TULP4: variants seen among roughly 807,000 people sequenced by gnomAD.
TULP4 encodes TUB like protein 4.
In TULP4, 16 loss-of-function variants were observed where a neutral mutation model predicts 129.0. The observed-to-expected ratio is 0.12, with a 90% CI of 0.08 to 0.19. TULP4 has a LOEUF of 0.19. Ranked by LOEUF, TULP4 falls within the 10% of genes least tolerant of loss-of-function variation. The pLI, the probability that TULP4 is intolerant of heterozygous loss-of-function variation, is 1.00. For synonymous variants in TULP4, 998 were observed against 854.0 expected (o/e 1.17, Z -2.94); for missense variants, 1,842 against 2,059.1 (o/e 0.89, Z 2.04).
At chr6:158,334,581 G>A (rs979962879) in intron 1 of TULP4, among the ~76,000 whole-genome samples, 1 of 108,586 alleles carries the variant, frequency 9.2e-6, no homozygotes, top group Non-Finnish European at 2.0e-5. Context: ...CAACTGTGTG[G>A]GGGTTGGCAC....
intron 1 of TULP4, among the ~76,000 whole-genome samples, chr6:158,371,481 A>G (rs780221545): frequency 2.3e-4 from 35 of 152,326 alleles, no homozygotes; most frequent in Non-Finnish European, 3.8e-4. Flanking sequence ...TATTAGTATT[A>G]TTTGATCATT....
chr6:158,405,941 G>A (rs988979192), intron 1 of TULP4, among the ~76,000 whole-genome samples: 2 of 152,126 alleles, frequency 1.3e-5, no homozygotes, highest in Admixed American at 6.6e-5. Context: ...TTGTTTTCTA[G>A]GACATTTTTG....
chr6:158,506,376 C>T (rs904354078), intron 13 of TULP4, among the ~76,000 whole-genome samples: 3 of 151,742 alleles, frequency 2.0e-5, no homozygotes, highest in Non-Finnish European at 4.4e-5. Flanking sequence ...GGACTACAGG[C>T]GCCCGCCACC....
At position 158,313,477 on chromosome 6, in the gene TULP4, G is replaced by A; in HGVS notation, c.-540G>A. 2.5e-6 allele frequency: 1 copy of A among 400,180 alleles called. No individual in the cohort carries two copies. The highest frequency in any genetic ancestry group is 4.4e-6 in the Non-Finnish European group (1 of 227,208). The allele number at this position is 400,180 out of a possible 1,614,324, so 24.8% of individuals were successfully genotyped here. On this transcript the variant is annotated 5_prime_UTR_variant, in exon 1 of 14. Coordinates refer to ENST00000367097, the MANE Select transcript of TULP4 (RefSeq NM_020245.5). The stretch of plus-strand genomic sequence containing the variant: ...AGTTCAGGAAACATGCTAGAGGGTG[G>A]CTTCAGAAGGAAGATGATCCTGTGT...
At chr6:158,478,410 G>A (rs867532646) in intron 6 of TULP4, among the ~76,000 whole-genome samples, 19 of 152,168 alleles carry the variant, frequency 1.2e-4, no homozygotes, top group African/African-American at 3.9e-4. Flanking sequence ...GGGGGTTGAC[G>A]ATACCAGAGT....
chr6:158,272,494 G>C (rs990045089), intron 1 of TULP4, among the ~76,000 whole-genome samples: 1 of 152,156 alleles, frequency 6.6e-6, no homozygotes, highest in Non-Finnish European at 1.5e-5. Flanking sequence ...CAAGGCAGAG[G>C]AACAAGCAGA....
chr6:158,318,990 C>T (rs1304375351), intron 1 of TULP4, among the ~76,000 whole-genome samples: 3 of 151,560 alleles, frequency 2.0e-5, no homozygotes, highest in Admixed American at 2.0e-4. Context: ...AAGTGATCCG[C>T]CCACCTCAGC....
chr6:158,438,067 A>G (rs1328600977), intron 3 of TULP4: 3 of 152,216 alleles, frequency 2.0e-5, no homozygotes, highest in Non-Finnish European at 4.4e-5. Context: ...CAGCCTGGGC[A>G]ACATAGTGAA....
chr6:158,409,384 C>G (rs1778038797), intron 1 of TULP4, among the ~76,000 whole-genome samples: 1 of 152,168 alleles, frequency 6.6e-6, no homozygotes, highest in Non-Finnish European at 1.5e-5. Flanking sequence ...ACTTCTTAGT[C>G]AAAGAACATA....
chr6:158,242,602 A>T (rs1171802905), intron 1 of TULP4: 2 of 712,950 alleles, frequency 2.8e-6, no homozygotes, highest in Non-Finnish European at 5.2e-6. Flanking sequence ...TTATTGGCTA[A>T]CAGTTTGGTG....
At position 158,494,966 on chromosome 6, in the gene TULP4, A is replaced by G. The variant is rs189569950; in HGVS notation, c.1870+120A>G. ...TTAAGACAGCAAAAGATTAGCATGT[A>G]TTTTACCTCTAAACCTTAACTTCAC... On this transcript the variant is annotated intron_variant, in intron 11 of 13. Coordinates refer to ENST00000367097, the MANE Select transcript of TULP4 (RefSeq NM_020245.5). 1.4e-5 allele frequency: 10 copies of G among 733,386 alleles called. No homozygotes were observed. In the Admixed American group the frequency reaches 2.1e-4, roughly 15 times the overall value. 45.4% of individuals were successfully genotyped at this position (733,386 alleles called of 1,614,324 possible).
At chr6:158,436,289 A>G (rs1361232458) in intron 3 of TULP4, among the ~76,000 whole-genome samples, 6 of 152,144 alleles carry the variant, frequency 3.9e-5, no homozygotes, top group African/African-American at 9.7e-5. Flanking sequence ...ATCTGAGACT[A>G]TTTATTTATA....
chr6:158,436,719 A>T (rs1307263129), intron 3 of TULP4, among the ~76,000 whole-genome samples: 1 of 152,240 alleles, frequency 6.6e-6, no homozygotes, highest in Non-Finnish European at 1.5e-5. Flanking sequence ...GACGCTCTTA[A>T]AGCACGATTT....
At chr6:158,240,633 C>T (rs1373081470) in intron 1 of TULP4, among the ~76,000 whole-genome samples, 1 of 106,718 alleles carries the variant, frequency 9.4e-6, no homozygotes, top group African/African-American at 3.0e-5. Context: ...GACGGGGCGG[C>T]TGGCCGGGTG....
At position 158,324,324 on chromosome 6, in the gene TULP4, T is replaced by C. The variant is rs532023913; in HGVS notation, c.252+10056T>C. ...TGTCCTGGTGAGTCTGTCTTCTTTT[T>C]TTAGACCAAGTCTGAAGAAATGGGT... On this transcript the variant is annotated intron_variant, in intron 1 of 13. Transcript: ENST00000367097. Among the ~76,000 whole-genome samples the C allele has an allele frequency of 2.0e-5, 3 of 152,336 alleles. No homozygotes were observed. In the East Asian group the frequency reaches 5.8e-4, roughly 29 times the overall value.
At chr6:158,366,359 A>T (rs1015083653) in intron 1 of TULP4, among the ~76,000 whole-genome samples, 2 of 152,126 alleles carry the variant, frequency 1.3e-5, no homozygotes, top group East Asian at 3.8e-4. Context: ...ACATGATCTT[A>T]TTTTGGAAGT....
intron 1 of TULP4, among the ~76,000 whole-genome samples, chr6:158,401,069 T>C (rs1180821904): frequency 6.6e-6 from 1 of 151,716 alleles, no homozygotes; most frequent in African/African-American, 2.4e-5. Flanking sequence ...GTTGTTGTTG[T>C]TGTTGTTGTT....
chr6:158,331,747 G>GTATATATATATATA (rs1194424498), intron 1 of TULP4, among the ~76,000 whole-genome samples: 1 of 29,220 alleles, frequency 3.4e-5, no homozygotes, highest in Non-Finnish European at 7.6e-5. Context: ...ATATATACGT[G>GTATATATATATATA]TATATACACG....
Position 158,493,723 on chromosome 6 carries a change from AG to A in TULP4, c.1776+7del. The A allele has an allele frequency of 4.5e-6, 7 of 1,544,734 alleles. No individual in the cohort carries two copies. Among genetic ancestry groups the A allele is most frequent in the Non-Finnish European group, 5.2e-6 (6 of 1,146,234 alleles). ...CTTTTGAAGACATCACTCAGGTAGG[AG>A]CCCCCAGTTACCCTGCCTTGCTCCC... On this transcript the variant is annotated splice_region_variant and intron_variant, in intron 10 of 13. Transcript: ENST00000367097. This position sits in a 1 kb window ranked among gnomAD's most constrained non-coding sequence, Gnocchi z 4.4.
Sources: allele counts gnomAD v4.1 joint callset (sites outside exome capture counted in the v4.1 genomes callset), GRCh38; gene constraint gnomAD v4.1.1; non-coding constraint Gnocchi (gnomAD v3.1); transcripts MANE v1.5; gene names NCBI Gene and HGNC (gene_info 2026-07-23, HGNC 2026-07-21).